The following CACNG2 variants were observed in gnomAD, a reference collection of about 807,000 sequenced individuals.
CACNG2 encodes voltage-dependent calcium channel gamma-2 subunit.
CACNG2 carries 3 observed loss-of-function variants against 25.9 expected under a neutral mutation model. The ratio of observed to expected loss-of-function variants is 0.12; its 90% CI spans 0.05 to 0.30. The LOEUF (loss-of-function observed/expected upper bound fraction) is 0.30, where lower values mean the gene tolerates loss of function less well. Ranked by LOEUF, CACNG2 falls within the 10% of genes least tolerant of loss-of-function variation. CACNG2 has a pLI of 1.00. For missense variants in CACNG2, 341 were observed against 432.5 expected (o/e 0.79, Z 1.88); for synonymous variants, 167 against 173.3 (o/e 0.96, Z 0.29).
intron 1 of CACNG2, among the ~76,000 whole-genome samples, chr22:36,690,124 C>T (rs959758983): frequency 1.3e-5 from 2 of 152,248 alleles, no homozygotes; most frequent in Non-Finnish European, 2.9e-5. Context: ...AAAGACTCTA[C>T]CTCTAATTTG....
chr22:36,613,840 C>T (rs564540863), intron 1 of CACNG2, among the ~76,000 whole-genome samples: 152 of 152,020 alleles, frequency 1.0e-3, no homozygotes, highest in Non-Finnish European at 1.8e-3. Context: ...ATAAATCATG[C>T]CTTCCTCCAG....
At chr22:36,596,918 T>A (rs891746052) in intron 1 of CACNG2, among the ~76,000 whole-genome samples, 1 of 151,800 alleles carries the variant, frequency 6.6e-6, no homozygotes. Flanking sequence ...CCCAGCTAAT[T>A]TTTGAATTTT....
intron 1 of CACNG2, among the ~76,000 whole-genome samples, chr22:36,593,390 G>A (rs577500561): frequency 1.2e-4 from 18 of 152,160 alleles, no homozygotes; most frequent in Non-Finnish European, 2.2e-4. Flanking sequence ...TGAGGGAGTC[G>A]GACAGGTAGG....
chr22:36,662,405 A>G (rs1936811590), intron 1 of CACNG2, among the ~76,000 whole-genome samples: 1 of 151,862 alleles, frequency 6.6e-6, no homozygotes, highest in Non-Finnish European at 1.5e-5. Flanking sequence ...CCTTCATCCC[A>G]TTTTCTGACC....
intron 1 of CACNG2, among the ~76,000 whole-genome samples, chr22:36,653,615 A>G (rs13053283): frequency 6.6e-6 from 1 of 152,180 alleles, no homozygotes; most frequent in South Asian, 2.1e-4. Context: ...GAGCCGGATG[A>G]TCTGAAGTAA....
intron 2 of CACNG2, among the ~76,000 whole-genome samples, chr22:36,574,201 C>G (rs530871038): frequency 1.5e-4 from 23 of 152,264 alleles, no homozygotes; most frequent in African/African-American, 5.5e-4. Flanking sequence ...AAGAAGCAAA[C>G]GGATTACGAA....
chr22:36,692,633 CCTT>C (rs1243347064), intron 1 of CACNG2, among the ~76,000 whole-genome samples: 1 of 152,208 alleles, frequency 6.6e-6, no homozygotes, highest in African/African-American at 2.4e-5. Flanking sequence ...AAGCCCATCT[CCTT>C]CACTAGGTGG....
At chr22:36,653,795 G>A (rs191069202) in intron 1 of CACNG2, among the ~76,000 whole-genome samples, 33 of 152,238 alleles carry the variant, frequency 2.2e-4, no homozygotes, top group Non-Finnish European at 3.8e-4. Flanking sequence ...GAGGGCATGG[G>A]CAAGAGATGA....
intron 1 of CACNG2, among the ~76,000 whole-genome samples, chr22:36,620,973 G>T (rs1264654394): frequency 6.6e-6 from 1 of 152,206 alleles, no homozygotes; most frequent in African/African-American, 2.4e-5. Context: ...CCTGACTGTT[G>T]GGTTTGATAG....
intron 1 of CACNG2, among the ~76,000 whole-genome samples, chr22:36,620,645 C>T (rs1011996398): frequency 3.3e-5 from 5 of 152,010 alleles, no homozygotes; most frequent in African/African-American, 1.2e-4. Context: ...CTTTTTTTTG[C>T]TCATCTGTAA....
chr22:36,573,246 AT>A (rs1935261448), intron 2 of CACNG2, among the ~76,000 whole-genome samples: 1 of 152,188 alleles, frequency 6.6e-6, no homozygotes, highest in South Asian at 2.1e-4. Flanking sequence ...TTATTGCATT[AT>A]CTTAAGCAGC....
At chr22:36,698,434 G>C (rs1937368556) in intron 1 of CACNG2, among the ~76,000 whole-genome samples, 1 of 152,164 alleles carries the variant, frequency 6.6e-6, no homozygotes, top group Non-Finnish European at 1.5e-5. Flanking sequence ...AAGCGTGTCT[G>C]GGAAAGGCTA....
At chr22:36,620,718 A>C (rs1225804371) in intron 1 of CACNG2, among the ~76,000 whole-genome samples, 1 of 152,224 alleles carries the variant, frequency 6.6e-6, no homozygotes, top group Non-Finnish European at 1.5e-5. Flanking sequence ...CGTCAGACAC[A>C]CACATTAAAT....
At chr22:36,682,186 C>T (rs754831352) in intron 1 of CACNG2, among the ~76,000 whole-genome samples, 13 of 152,210 alleles carry the variant, frequency 8.5e-5, no homozygotes, top group Non-Finnish European at 1.5e-4. Context: ...GGAGAAGACG[C>T]AGGGCTTGAA....
chr22:36,584,864 A>G (rs1213597771), intron 2 of CACNG2: 1 of 152,310 alleles, frequency 6.6e-6, no homozygotes, highest in Non-Finnish European at 1.5e-5. Flanking sequence ...TGAGCGGTGC[A>G]GATGGGTTTG....
chr22:36,657,848 G>A (rs550464861), intron 1 of CACNG2, among the ~76,000 whole-genome samples: 1 of 152,080 alleles, frequency 6.6e-6, no homozygotes, highest in Non-Finnish European at 1.5e-5. Context: ...GAGCCCCCGG[G>A]AGCCAGGCAG....
intron 2 of CACNG2, among the ~76,000 whole-genome samples, chr22:36,583,763 C>G (rs894327454): frequency 6.6e-6 from 1 of 152,130 alleles, no homozygotes; most frequent in Non-Finnish European, 1.5e-5. Context: ...TGTTTCCAAC[C>G]GTCACTACCA....
chr22:36,629,307 T>A (rs1936231997), intron 1 of CACNG2, among the ~76,000 whole-genome samples: 1 of 152,148 alleles, frequency 6.6e-6, no homozygotes, highest in Admixed American at 6.5e-5. Context: ...CAATAGGCAG[T>A]CACCCAGTGC....
intron 1 of CACNG2, among the ~76,000 whole-genome samples, chr22:36,661,352 G>T (rs1936792298): frequency 6.6e-6 from 1 of 152,218 alleles, no homozygotes; most frequent in Admixed American, 6.5e-5. Context: ...AGATTACACG[G>T]TGAAGTGGGA....
Sources: allele counts gnomAD v4.1 joint callset (sites outside exome capture counted in the v4.1 genomes callset), GRCh38; gene constraint gnomAD v4.1.1; transcripts MANE v1.5; gene names NCBI Gene and HGNC (gene_info 2026-07-23, HGNC 2026-07-21).